JADE2: variants seen among roughly 807,000 people sequenced by gnomAD.
JADE2 encodes the protein jade family PHD finger 2, also known as E3 ubiquitin-protein ligase Jade-2.
In JADE2, 13 loss-of-function variants were observed where a neutral mutation model predicts 85.7. The ratio of observed to expected loss-of-function variants is 0.15; its 90% CI spans 0.10 to 0.24. The LOEUF is 0.24. Ranked by LOEUF, JADE2 falls within the 10% of genes least tolerant of loss-of-function variation. The probability of loss-of-function intolerance (pLI) is 1.00; values close to 1 mark genes in which losing one functional copy is unlikely to be tolerated. For missense variants in JADE2, 846 were observed against 1,115.9 expected, an observed-to-expected ratio of 0.76 and a Z score of 3.45; for synonymous variants, 440 against 456.1, an observed-to-expected ratio of 0.96 and a Z score of 0.45.
intron 9 of JADE2, among the ~76,000 whole-genome samples, chr5:134,572,989 T>C (rs957618648): frequency 6.6e-6 from 1 of 152,210 alleles, no homozygotes; most frequent in Admixed American, 6.5e-5. Context: ...TTGGCCAGCA[T>C]GGCGTGAGCC....
At chr5:134,534,880 A>T (rs368985112) in intron 1 of JADE2, among the ~76,000 whole-genome samples, 64 of 152,312 alleles carry the variant, frequency 4.2e-4, no homozygotes, top group African/African-American at 1.4e-3. Flanking sequence ...CTCCAAGGGG[A>T]TGAGAGCAGG....
In JADE2 at chr5:134,581,405, T is replaced by G. The variant is rs1469965830; in HGVS notation, c.*2088T>G. On this transcript the variant is annotated 3_prime_UTR_variant, in exon 12 of 12. Coordinates refer to ENST00000681547, the MANE Select transcript of JADE2 (RefSeq NM_001388185.1). ...ACCCTGTCTGTGCCAGATTGCCCGG[T>G]CTGACCCTGCAGGAAGCAAAGAGGT... 1.3e-5 allele frequency: 2 copies of G among 152,700 alleles called. No individual in the cohort carries two copies. Among genetic ancestry groups the G allele is most frequent in the African/African-American group, 2.4e-5 (1 of 41,438 alleles). The allele number at this position is 152,700 out of a possible 1,614,324, so 9.5% of individuals were successfully genotyped here. A position where few individuals can be genotyped will look rare whatever the true frequency, so the allele number is the denominator to read the frequency against.
chr5:134,565,163 A>G (rs1009445999), intron 8 of JADE2, among the ~76,000 whole-genome samples: 4 of 152,202 alleles, frequency 2.6e-5, no homozygotes, highest in Non-Finnish European at 5.9e-5. Flanking sequence ...CAAGCTCCCA[A>G]GGGATGTTGA....
intron 1 of JADE2, among the ~76,000 whole-genome samples, chr5:134,532,507 A>C (rs1761309364): frequency 6.6e-6 from 1 of 152,202 alleles, no homozygotes. Context: ...TGCAAATGGC[A>C]GGAAAATGAG....
At chr5:134,548,148 T>G (rs1320939196) in intron 3 of JADE2, among the ~76,000 whole-genome samples, 1 of 152,126 alleles carries the variant, frequency 6.6e-6, no homozygotes, top group African/African-American at 2.4e-5. Context: ...GTGGGCACAG[T>G]GGGAGGACAG....
intron 9 of JADE2, among the ~76,000 whole-genome samples, chr5:134,572,320 T>C (rs17167623): frequency 0.028 from 4,217 of 151,878 alleles, 197 homozygotes; most frequent in African/African-American, 0.095. Flanking sequence ...CCACGGAGAG[T>C]CCATGCAGAG....
Position 134,580,374 on chromosome 5 carries a change from A to G in JADE2, c.*1057A>G, listed in dbSNP as rs952394730. ...GGTGTTGGCCGCTGGGGCTGTTGTA[A>G]GTCTTGCTGGATGTTCCCCTGTTCC... On this transcript the variant is annotated 3_prime_UTR_variant, in exon 12 of 12. Coordinates refer to ENST00000681547, the MANE Select transcript of JADE2 (RefSeq NM_001388185.1). The G allele has an allele frequency of 6.6e-6, 1 of 151,404 alleles. No homozygotes were observed. The highest frequency in any genetic ancestry group is 2.4e-5 in the African/African-American group (1 of 41,050). The allele number at this position is 151,404 out of a possible 1,614,324, so 9.4% of individuals were successfully genotyped here. A position where few individuals can be genotyped will look rare whatever the true frequency, so the allele number is the denominator to read the frequency against.
At position 134,573,744 on chromosome 5, in the gene JADE2, G is replaced by C; in HGVS notation, c.1534G>C (p.Glu512Gln). 6.2e-7 allele frequency: 1 copy of C among 1,610,872 alleles called. No individual in the cohort carries two copies. Among genetic ancestry groups the C allele is most frequent in the Non-Finnish European group, 8.5e-7 (1 of 1,177,006 alleles). ...ATTCCACCTGCAGATGAAACTTATT[G>C]AACAGGATCTGTGTCGAGGTAGGCG... ...QIFHLQMKLI[E>Q]QDLCRERSGR... is the part of the protein sequence containing the mutation. Residue 512 changes from glutamate (E) to glutamine (Q), a missense_variant, in exon 10 of 12, where the codon GAA becomes CAA. By Grantham distance (29) the Glu-to-Gln change is conservative. Transcript: ENST00000681547.
upstream of JADE2, chr5:134,525,564 C>T (rs1266873573): frequency 2.0e-6 from 1 of 506,032 alleles, no homozygotes; most frequent in Non-Finnish European, 3.0e-6. Flanking sequence ...AAAAAAGTGG[C>T]TACTCCCCCT....
chr5:134,535,196 G>C (rs1323166674), intron 1 of JADE2, among the ~76,000 whole-genome samples: 1 of 152,218 alleles, frequency 6.6e-6, no homozygotes, highest in East Asian at 1.9e-4. Flanking sequence ...TGTTGCAGTT[G>C]AGGTAGAGTT....
rs1286768456 is a variant in JADE2, at chr5:134,562,695, T to TG, written c.852+330dup. Among the ~76,000 whole-genome samples, 2 of 152,026 alleles carry TG rather than the reference T, an allele frequency of 1.3e-5. No homozygotes were observed. Among genetic ancestry groups the TG allele is most frequent in the African/African-American group, 4.8e-5 (2 of 41,394 alleles). ...AGGAGAATCACTTGAACCTGGGAGTTGGAGGTTGCAGTGAACCGAGATCGC... is the reference window on the plus strand; with the variant it reads ...AGGAGAATCACTTGAACCTGGGAGTTGGGAGGTTGCAGTGAACCGAGATCGC... On this transcript the variant is annotated intron_variant, in intron 7 of 11. Coordinates refer to ENST00000681547, the MANE Select transcript of JADE2 (RefSeq NM_001388185.1). The surrounding 1 kb of genome is among the most constrained non-coding windows in gnomAD (Gnocchi z 4.6).
chr5:134,551,521 G>T (rs1762589728), intron 3 of JADE2, among the ~76,000 whole-genome samples: 1 of 150,506 alleles, frequency 6.6e-6, no homozygotes, highest in Admixed American at 6.6e-5. Context: ...GAGCCACCTT[G>T]CCTGGCCCTT....
Position 134,579,409 on chromosome 5 carries a change from C to G in JADE2, c.*92C>G. On this transcript the variant is annotated 3_prime_UTR_variant, in exon 12 of 12. Transcript: ENST00000681547. This position sits in a 1 kb window ranked among gnomAD's most constrained non-coding sequence, Gnocchi z 4.6. Reference sequence around the variant, plus strand: ...GCCATTTCCAGTCTCTGCTGAGTGTCCCAGACCCTCGAGGCTGCCACTCCG... The same window carrying G: ...GCCATTTCCAGTCTCTGCTGAGTGTGCCAGACCCTCGAGGCTGCCACTCCG... The G allele has an allele frequency of 9.8e-7, 1 of 1,022,002 alleles. No homozygotes were observed. Among genetic ancestry groups the G allele is most frequent in the Non-Finnish European group, 1.4e-6 (1 of 719,918 alleles). 63.3% of individuals were successfully genotyped at this position (1,022,002 alleles called of 1,614,324 possible).
At chr5:134,545,070 TAAAAC>T (rs1393788438) in intron 3 of JADE2, among the ~76,000 whole-genome samples, 2 of 152,214 alleles carry the variant, frequency 1.3e-5, no homozygotes, top group Non-Finnish European at 2.9e-5. Flanking sequence ...ATTTGATAGA[TAAAAC>T]AGGAGAATCC....
chr5:134,559,949 C>G lies in JADE2; in HGVS notation c.431C>G (p.Ala144Gly). 1.2e-6 allele frequency: 2 copies of G among 1,614,054 alleles called. No individual in the cohort carries two copies. The highest frequency in any genetic ancestry group is 1.3e-5 in the African/African-American group (1 of 75,042). Residue 144 changes from alanine to glycine, a missense_variant, in exon 5 of 12, where the codon GCC (alanine) becomes GGC (glycine). Ala to Gly is a moderately conservative substitution (Grantham distance 60, BLOSUM62 0). Coordinates refer to ENST00000681547, the MANE Select transcript of JADE2 (RefSeq NM_001388185.1). ...CGCTATGACTTGGACGAGATTGATG[C>G]CTACTGGCTGGAGCTCATCAACTCG... Reference protein sequence around the residue: ...GSRYDLDEIDAYWLELINSEL... With the variant: ...GSRYDLDEIDGYWLELINSEL...
At chr5:134,573,573 A>G (rs1227973314) in intron 9 of JADE2, 72 bp from the exon 10 acceptor site, 8 of 1,037,668 alleles carry the variant, frequency 7.7e-6, no homozygotes, top group Non-Finnish European at 1.2e-5. Context: ...CACCCATAGC[A>G]AGGTCCCCAG....
intron 1 of JADE2, chr5:134,533,611 T>TC (rs772796865): frequency 3.4e-5 from 33 of 978,810 alleles, no homozygotes; most frequent in Admixed American, 3.1e-4. Flanking sequence ...TTTTAGCACC[T>TC]CCCCCCCACT....
rs544135462 is a variant in JADE2, at chr5:134,547,835, G to A, written c.154-4217G>A. On this transcript the variant is annotated intron_variant, in intron 3 of 11. Coordinates refer to ENST00000681547, the MANE Select transcript of JADE2 (RefSeq NM_001388185.1). The stretch of plus-strand genomic sequence containing the variant: ...TTGCACTGCTGGGCTCCAGCCCTGC[G>A]GCTCAGCCAGACCTCATTGAGCTCC... Among the ~76,000 whole-genome samples the A allele has an allele frequency of 1.1e-4, 17 of 152,300 alleles. No homozygotes were observed. In the South Asian group the frequency reaches 2.5e-3, roughly 22 times the overall value.
chr5:134,557,194 T>C (rs1390495990), intron 4 of JADE2, among the ~76,000 whole-genome samples: 1 of 151,632 alleles, frequency 6.6e-6, no homozygotes, highest in Non-Finnish European at 1.5e-5. Flanking sequence ...GTATTATTAT[T>C]GTTGTTATTA....
Sources: allele counts gnomAD v4.1 joint callset (sites outside exome capture counted in the v4.1 genomes callset), GRCh38; gene constraint gnomAD v4.1.1; non-coding constraint Gnocchi (gnomAD v3.1); transcripts MANE v1.5; gene names NCBI Gene and HGNC (gene_info 2026-07-23, HGNC 2026-07-21).